MLLT1: variants seen among roughly 807,000 people sequenced by gnomAD.
MLLT1 encodes the protein MLLT1 super elongation complex subunit.
A neutral mutation model predicts 55.1 loss-of-function variants in MLLT1; 11 were observed. The ratio of observed to expected loss-of-function variants is 0.20; its 90% CI spans 0.13 to 0.33. The LOEUF is 0.33. Ranked by LOEUF, MLLT1 falls within the 10% of genes least tolerant of loss-of-function variation. MLLT1 has a pLI of 1.00. For missense variants in MLLT1, 536 were observed against 760.6 expected, an observed-to-expected ratio of 0.70 and a Z score of 3.47; for synonymous variants, 323 against 320.1, an observed-to-expected ratio of 1.01 and a Z score of -0.10.
chr19:6,230,453 G>C lies in MLLT1; in HGVS notation c.420+117C>G. The C allele has an allele frequency of 7.8e-7, 1 of 1,284,622 alleles. No individual in the cohort carries two copies. The highest frequency in any genetic ancestry group is 2.4e-5 in the East Asian group (1 of 41,356). The allele number at this position is 1,284,622 out of a possible 1,614,324, so 79.6% of individuals were successfully genotyped here. On this transcript the variant is annotated intron_variant, in intron 4 of 11. Coordinates refer to ENST00000252674, the MANE Select transcript of MLLT1 (RefSeq NM_005934.4). The surrounding 1 kb of genome is among the most constrained non-coding windows in gnomAD (Gnocchi z 9.0). ...CCAGCTCTGCTGGGTGCTGCCGTGT[G>C]ACCTGCGCCTTGGGTCTCGGCCCCC...
chr19:6,230,481 C>G lies in MLLT1; in HGVS notation c.420+89G>C. The G allele has an allele frequency of 6.6e-7, 1 of 1,515,666 alleles. No individual in the cohort carries two copies. The highest frequency in any genetic ancestry group is 8.9e-7 in the Non-Finnish European group (1 of 1,118,920). 93.9% of individuals were successfully genotyped at this position (1,515,666 alleles called of 1,614,324 possible). On this transcript the variant is annotated intron_variant, in intron 4 of 11. Coordinates refer to ENST00000252674, the MANE Select transcript of MLLT1 (RefSeq NM_005934.4). The surrounding 1 kb of genome is among the most constrained non-coding windows in gnomAD (Gnocchi z 9.0). ...CTGCGCCTTGGGTCTCGGCCCCCAG[C>G]ACCGACACCTCTGGCTGGGCACAGA...
chr19:6,216,190 G>A (rs1018897009), intron 8 of MLLT1, among the ~76,000 whole-genome samples: 3 of 152,104 alleles, frequency 2.0e-5, no homozygotes, highest in East Asian at 1.9e-4. Flanking sequence ...CAGCCCTTGA[G>A]GCCCTCAGCC....
Position 6,211,803 on chromosome 19 carries a change from C to T in MLLT1, c.*1239G>A, listed in dbSNP as rs891999840. 3.8e-6 allele frequency: 4 copies of T among 1,064,132 alleles called. No individual in the cohort carries two copies. The highest frequency in any genetic ancestry group is 5.4e-5 in the Admixed American group (1 of 18,678). The allele number at this position is 1,064,132 out of a possible 1,614,324, so 65.9% of individuals were successfully genotyped here. A position where few individuals can be genotyped will look rare whatever the true frequency, so the allele number is the denominator to read the frequency against. On this transcript the variant is annotated 3_prime_UTR_variant, in exon 12 of 12. Coordinates refer to ENST00000252674, the MANE Select transcript of MLLT1 (RefSeq NM_005934.4). The surrounding 1 kb of genome is among the most constrained non-coding windows in gnomAD (Gnocchi z 4.6). ...GCGTCCTGGCCCTGGAAGAGTGGGC[C>T]GGGAAGGAGGACCGGCTTGGCCCCT...
intron 3 of MLLT1, among the ~76,000 whole-genome samples, chr19:6,250,013 C>A (rs2091199856): frequency 6.6e-6 from 1 of 151,552 alleles, no homozygotes; most frequent in East Asian, 1.9e-4. Flanking sequence ...AGAGTGAGAC[C>A]CTGTTTCAAA....
intron 1 of MLLT1, among the ~76,000 whole-genome samples, chr19:6,275,433 G>A (rs763540230): frequency 3.3e-5 from 5 of 152,144 alleles, no homozygotes; most frequent in Admixed American, 6.5e-5. Context: ...CCCATGGAGC[G>A]ACGGCAACAT....
intron 1 of MLLT1, among the ~76,000 whole-genome samples, chr19:6,272,704 A>T (rs2091405126): frequency 6.6e-6 from 1 of 152,180 alleles, no homozygotes; most frequent in African/African-American, 2.4e-5. Context: ...GGCCTGGACG[A>T]TGCTGGATTA....
intron 3 of MLLT1, among the ~76,000 whole-genome samples, chr19:6,261,500 C>G (rs2091305629): frequency 6.6e-6 from 1 of 152,174 alleles, no homozygotes; most frequent in African/African-American, 2.4e-5. Flanking sequence ...CCCAGCGTTG[C>G]CTCCATGCCG....
In MLLT1 at chr19:6,229,600, C is replaced by T. The variant is rs888234042; in HGVS notation, c.420+970G>A. Among the ~76,000 whole-genome samples the T allele has an allele frequency of 5.3e-5, 8 of 151,958 alleles. No individual in the cohort carries two copies. The highest frequency in any genetic ancestry group is 2.1e-4 in the South Asian group (1 of 4,824). On this transcript the variant is annotated intron_variant, in intron 4 of 11. Transcript: ENST00000252674. This position sits in a 1 kb window ranked among gnomAD's most constrained non-coding sequence, Gnocchi z 5.2. ...CGTGCGTGACACACCACACACTTCC[C>T]GCAAGTGACACGACACACACGCCAT...
chr19:6,241,680 G>T (rs1028970327), intron 3 of MLLT1, among the ~76,000 whole-genome samples: 10 of 152,204 alleles, frequency 6.6e-5, no homozygotes, highest in African/African-American at 2.4e-4. Flanking sequence ...TTCTTTCCTT[G>T]TGCTTCTCTG....
At chr19:6,221,543 AT>A (rs138174206) in intron 6 of MLLT1, among the ~76,000 whole-genome samples, 2,707 of 152,324 alleles carry the variant, frequency 0.018, 37 homozygotes, top group Middle Eastern at 0.051. Flanking sequence ...AGATGTGAGT[AT>A]CCCCAAGTCA....
chr19:6,271,025 G>A (rs755947665), intron 1 of MLLT1, among the ~76,000 whole-genome samples: 16 of 151,918 alleles, frequency 1.1e-4, no homozygotes, highest in South Asian at 8.3e-4. Context: ...CCTCCTCACC[G>A]GTCCCCAGCT....
chr19:6,213,624 C>A, intron 10 of MLLT1, 102 bp downstream of exon 10: 1 of 1,219,918 alleles, frequency 8.2e-7, no homozygotes, highest in Non-Finnish European at 1.2e-6. Flanking sequence ...CAGGAAGAGT[C>A]CAACTGTGGG....
intron 6 of MLLT1, among the ~76,000 whole-genome samples, chr19:6,220,407 C>G (rs943771072): frequency 6.6e-6 from 1 of 152,246 alleles, no homozygotes; most frequent in Non-Finnish European, 1.5e-5. Flanking sequence ...CCTCTCAGCA[C>G]GCGGGGCGCT....
chr19:6,277,440 T>A (rs2091433485), intron 1 of MLLT1, among the ~76,000 whole-genome samples: 1 of 152,232 alleles, frequency 6.6e-6, no homozygotes, highest in Non-Finnish European at 1.5e-5. Context: ...TGGTGGTTAC[T>A]GAGTGCTTAA....
At chr19:6,269,087 G>A (rs540103862) in intron 2 of MLLT1, among the ~76,000 whole-genome samples, 61 of 152,340 alleles carry the variant, frequency 4.0e-4, no homozygotes, top group Non-Finnish European at 7.9e-4. Flanking sequence ...AGAGGGCCTG[G>A]TGCAGGAGGG....
At chr19:6,236,130 C>A (rs1471891027) in intron 3 of MLLT1, among the ~76,000 whole-genome samples, 1 of 152,170 alleles carries the variant, frequency 6.6e-6, no homozygotes, top group Non-Finnish European at 1.5e-5. Flanking sequence ...CCATAAGATC[C>A]CAGCAGGGAT....
At chr19:6,278,454 C>T (rs1448524233) in intron 1 of MLLT1, among the ~76,000 whole-genome samples, 2 of 145,474 alleles carry the variant, frequency 1.4e-5, no homozygotes, top group African/African-American at 5.1e-5. Flanking sequence ...CCCACCCACC[C>T]TGGGTTTCAA....
chr19:6,232,062 C>T (rs1326659982), intron 3 of MLLT1, among the ~76,000 whole-genome samples: 2 of 152,042 alleles, frequency 1.3e-5, no homozygotes, highest in African/African-American at 4.8e-5. Flanking sequence ...GTGGCGAAAC[C>T]CTGTCTCCAC....
chr19:6,273,087 T>A lies in MLLT1; in HGVS notation c.13-2328A>T, dbSNP rs1284388797. 6.6e-6 allele frequency among the ~76,000 whole-genome samples: 1 copy of A among 151,746 alleles called. No homozygotes were observed. Among genetic ancestry groups the A allele is most frequent in the East Asian group, 1.9e-4 (1 of 5,162 alleles). ...TAGGGACCAGGCACACTGCAGGGGGTGCCTGGGATCAGGCCGGAGACAAAA... is the reference window on the plus strand; with the variant it reads ...TAGGGACCAGGCACACTGCAGGGGGAGCCTGGGATCAGGCCGGAGACAAAA... On this transcript the variant is annotated intron_variant, in intron 1 of 11. Coordinates refer to ENST00000252674, the MANE Select transcript of MLLT1 (RefSeq NM_005934.4). This position sits in a 1 kb window ranked among gnomAD's most constrained non-coding sequence, Gnocchi z 4.3.
Sources: allele counts gnomAD v4.1 joint callset (sites outside exome capture counted in the v4.1 genomes callset), GRCh38; gene constraint gnomAD v4.1.1; non-coding constraint Gnocchi (gnomAD v3.1); transcripts MANE v1.5; gene names NCBI Gene and HGNC (gene_info 2026-07-23, HGNC 2026-07-21).